Variants in DGKB observed in about 807,000 individuals in gnomAD.
DGKB encodes the protein diacylglycerol kinase beta.
A neutral mutation model predicts 114.3 loss-of-function variants in DGKB; 67 were observed. The ratio of observed to expected loss-of-function variants is 0.59; its 90% CI spans 0.48 to 0.72. DGKB has a LOEUF of 0.72. Among genes scored for constraint, DGKB ranks in the 30% least tolerant of loss-of-function variants. The pLI, the probability that DGKB is intolerant of heterozygous loss-of-function variation, is 0.00. For missense variants in DGKB, 907 were observed against 975.2 expected, an observed-to-expected ratio of 0.93 and a Z score of 0.93; for synonymous variants, 398 against 323.1, an observed-to-expected ratio of 1.23 and a Z score of -2.49.
Position 14,698,100 on chromosome 7 carries a change from T to G in DGKB, c.586A>C (p.Asn196His), listed in dbSNP as rs1824405863. The change falls in exon 8 of 26, where the codon AAT becomes CAT. Residue 196 changes from asparagine to histidine, a missense_variant. Asn to His is a moderately conservative substitution (Grantham distance 68). Coordinates refer to ENST00000402815, the MANE Select transcript of DGKB (RefSeq NM_001350709.2). ...EYLEWDVTEL[N>H]PILHEMMEEI... ...GAAATCATTCATATACCTACTGGAT[T>G]AAGTTCAGTGACATCCCACTCAAGG... 1 of 1,536,630 alleles carries G rather than the reference T, an allele frequency of 6.5e-7. No individual in the cohort carries two copies. The highest frequency in any genetic ancestry group is 2.0e-5 in the Admixed American group (1 of 51,144).
intron 8 of DGKB, among the ~76,000 whole-genome samples, chr7:14,696,472 G>A (rs1473139184): frequency 3.1e-5 from 4 of 131,028 alleles, no homozygotes; most frequent in East Asian, 2.2e-4. Context: ...TCCGCAGTCC[G>A]GCCTGGGCGA....
chr7:14,665,905 T>A (rs1384459520), intron 13 of DGKB, among the ~76,000 whole-genome samples: 1 of 152,014 alleles, frequency 6.6e-6, no homozygotes, highest in Non-Finnish European at 1.5e-5. Context: ...AGGGATTCTA[T>A]AGGCCTATTT....
chr7:14,277,848 A>AT lies in DGKB; in HGVS notation c.2122+60666dup, dbSNP rs1409164296. Among the ~76,000 whole-genome samples the AT allele has an allele frequency of 2.6e-5, 4 of 152,162 alleles. No homozygotes were observed. The East Asian group carries it at 7.7e-4, about 29-fold the overall frequency. On this transcript the variant is annotated intron_variant, in intron 23 of 25. Coordinates refer to ENST00000402815, the MANE Select transcript of DGKB (RefSeq NM_001350709.2). ...TATTTTTTTGAGGAATCTCTATACC[A>AT]TTTTTCCATAAAGGCTGCACTAATT...
intron 23 of DGKB, among the ~76,000 whole-genome samples, chr7:14,198,696 G>C (rs1289203245): frequency 1.3e-5 from 2 of 151,942 alleles, no homozygotes; most frequent in African/African-American, 4.8e-5. Flanking sequence ...AAATAGAAGA[G>C]ATATCAAAAT....
At chr7:14,908,614 A>G (rs1783830688) in intron 1 of DGKB, among the ~76,000 whole-genome samples, 1 of 151,840 alleles carries the variant, frequency 6.6e-6, no homozygotes, top group African/African-American at 2.4e-5. Context: ...AAAGCATTTT[A>G]TTTTTTTTGG....
At chr7:14,819,162 A>C (rs1844564693) in intron 2 of DGKB, among the ~76,000 whole-genome samples, 2 of 152,072 alleles carry the variant, frequency 1.3e-5, no homozygotes, top group South Asian at 4.1e-4. Flanking sequence ...CCATTCATCT[A>C]ATACATACAG....
intron 17 of DGKB, among the ~76,000 whole-genome samples, chr7:14,593,776 T>A (rs1802075900): frequency 6.6e-6 from 1 of 151,090 alleles, no homozygotes; most frequent in South Asian, 2.1e-4. Flanking sequence ...GAGTCACTTG[T>A]GCTAAGTGCC....
chr7:14,313,410 G>A (rs1805769542), intron 23 of DGKB, among the ~76,000 whole-genome samples: 1 of 151,946 alleles, frequency 6.6e-6, no homozygotes, highest in South Asian at 2.1e-4. Flanking sequence ...AGGTCAGTGG[G>A]TGTGCGCACA....
At chr7:14,855,030 C>T (rs1184094155) in intron 1 of DGKB, among the ~76,000 whole-genome samples, 1 of 151,988 alleles carries the variant, frequency 6.6e-6, no homozygotes. Context: ...AAAAACTGAA[C>T]CATATTATAA....
intron 1 of DGKB, among the ~76,000 whole-genome samples, chr7:14,879,992 A>G (rs1853970654): frequency 6.6e-6 from 1 of 152,164 alleles, no homozygotes; most frequent in Admixed American, 6.5e-5. Flanking sequence ...TTTGGTTTCT[A>G]TTTAAAAAAC....
intron 20 of DGKB, among the ~76,000 whole-genome samples, chr7:14,566,406 C>G (rs1387923678): frequency 1.3e-5 from 2 of 152,002 alleles, no homozygotes; most frequent in Non-Finnish European, 2.9e-5. Flanking sequence ...AAGACATTGG[C>G]TGGGTTTATG....
chr7:14,431,039 G>T (rs1828377011), intron 21 of DGKB, among the ~76,000 whole-genome samples: 2 of 151,966 alleles, frequency 1.3e-5, no homozygotes, highest in Non-Finnish European at 2.9e-5. Flanking sequence ...GATCTTTCAG[G>T]CGATGTGACT....
At chr7:14,406,119 A>C (rs1024470148) in intron 21 of DGKB, among the ~76,000 whole-genome samples, 1 of 152,032 alleles carries the variant, frequency 6.6e-6, no homozygotes, top group Non-Finnish European at 1.5e-5. Context: ...CCCCAGAGGG[A>C]GAAGGAGAGA....
chr7:14,752,329 C>A (rs1209541618), intron 4 of DGKB, among the ~76,000 whole-genome samples: 5 of 124,734 alleles, frequency 4.0e-5, no homozygotes, highest in Non-Finnish European at 3.1e-5. Context: ...TCCCCAGGTT[C>A]CTTATTAAGG....
chr7:14,669,995 C>A (rs1048738210), intron 13 of DGKB, among the ~76,000 whole-genome samples: 2 of 152,050 alleles, frequency 1.3e-5, no homozygotes, highest in African/African-American at 4.8e-5. Flanking sequence ...CTTGTTCCCA[C>A]CTTACAAAAT....
intron 4 of DGKB, among the ~76,000 whole-genome samples, chr7:14,738,674 C>A (rs558376830): frequency 6.6e-6 from 1 of 152,228 alleles, no homozygotes; most frequent in South Asian, 2.1e-4. Flanking sequence ...GAAGAAGAAG[C>A]CTCAAAGCCA....
chr7:14,768,091 AT>A (rs748325352), intron 2 of DGKB, among the ~76,000 whole-genome samples: 4 of 151,998 alleles, frequency 2.6e-5, no homozygotes, highest in Non-Finnish European at 5.9e-5. Context: ...GAGCATATAC[AT>A]TTTAAGGAAT....
At chr7:14,974,267 C>T (rs771170138) in intron 1 of DGKB, among the ~76,000 whole-genome samples, 1 of 151,974 alleles carries the variant, frequency 6.6e-6, no homozygotes, top group Non-Finnish European at 1.5e-5. Flanking sequence ...TTATAACACA[C>T]TGCGTTTATT....
intron 2 of DGKB, among the ~76,000 whole-genome samples, chr7:14,808,226 C>T (rs781625639): frequency 1.4e-4 from 21 of 151,774 alleles, no homozygotes; most frequent in Non-Finnish European, 2.5e-4. Context: ...TGAATGTTCC[C>T]CAAAATACTA....
Sources: allele counts gnomAD v4.1 joint callset (sites outside exome capture counted in the v4.1 genomes callset), GRCh38; gene constraint gnomAD v4.1.1; transcripts MANE v1.5; gene names NCBI Gene and HGNC (gene_info 2026-07-23, HGNC 2026-07-21).